The following GLYATL3 variants were observed in gnomAD, a reference collection of about 807,000 sequenced individuals.
GLYATL3 encodes the protein glycine-N-acyltransferase like 3.
Under a neutral mutation model 28.5 loss-of-function variants are expected in GLYATL3, and 31 were observed. The ratio of observed to expected loss-of-function variants is 1.09; its 90% CI spans 0.82 to 1.47. The LOEUF (loss-of-function observed/expected upper bound fraction) is 1.47. Among genes scored for constraint, GLYATL3 ranks in the 40% most tolerant of loss-of-function variants. The pLI is 0.00. For synonymous variants in GLYATL3, 141 were observed against 140.2 expected (o/e 1.01, Z -0.04); for missense variants, 369 against 351.5 (o/e 1.05, Z -0.40).
At position 49,518,376 on chromosome 6, in the gene GLYATL3, G is replaced by A. The variant is rs189820072; in HGVS notation, c.313+820G>A. Among the ~76,000 whole-genome samples, 78 of 152,298 alleles carry A rather than the reference G, an allele frequency of 5.1e-4. 1 individual carries two copies. The East Asian group carries it at 0.014, about 27-fold the overall frequency. The stretch of plus-strand genomic sequence containing the variant: ...GATAGTTTAGATGAATAGTTTCCGC[G>A]TCAGTGTACACTTACTCTTCCAGCT... On this transcript the variant is annotated intron_variant, in intron 4 of 5. Coordinates refer to ENST00000371197, the MANE Select transcript of GLYATL3 (RefSeq NM_001010904.2).
In GLYATL3 at chr6:49,527,723, T is replaced by C. The variant is rs1310530145; in HGVS notation, c.*809T>C. 6.6e-6 allele frequency among the ~76,000 whole-genome samples: 1 copy of C among 152,212 alleles called. No individual in the cohort carries two copies. Among genetic ancestry groups the C allele is most frequent in the African/African-American group, 2.4e-5 (1 of 41,452 alleles). On this transcript the variant is annotated 3_prime_UTR_variant, in exon 6 of 6. Transcript: ENST00000371197. ...CCTATTTCAGCCCCCTTATTTATAG[T>C]CTACTTTCCCATATAAAACTAAGAT...
At position 49,503,180 on chromosome 6, in the gene GLYATL3, T is replaced by A. The variant is rs188720400; in HGVS notation, c.-29+3138T>A. Among the ~76,000 whole-genome samples, 32 of 152,240 alleles carry A rather than the reference T, an allele frequency of 2.1e-4. 1 individual carries two copies. Among genetic ancestry groups the A allele is most frequent in the African/African-American group, 7.2e-4 (30 of 41,544 alleles). ...GGGGACATTAGCAAAGGGGGGGATA[T>A]AAGTCCTCATCATCTTTACTGTCCC... On this transcript the variant is annotated intron_variant, in intron 1 of 5. Transcript: ENST00000371197.
chr6:49,518,182 C>CT lies in GLYATL3; in HGVS notation c.313+632dup, dbSNP rs1769249966. On this transcript the variant is annotated intron_variant, in intron 4 of 5. Coordinates refer to ENST00000371197, the MANE Select transcript of GLYATL3 (RefSeq NM_001010904.2). Reference sequence around the variant, plus strand: ...ACTACAGGTGGCACCATTCAGGGCCCTTTTTTGTTGTTGTTGTTGTTGTTG... The same window carrying CT: ...ACTACAGGTGGCACCATTCAGGGCCCTTTTTTTGTTGTTGTTGTTGTTGTTG... Among the ~76,000 whole-genome samples, 4 of 152,088 alleles carry CT rather than the reference C, an allele frequency of 2.6e-5. No individual in the cohort carries two copies. In the South Asian group the frequency reaches 6.2e-4, roughly 24 times the overall value.
chr6:49,512,874 T>C lies in GLYATL3; in HGVS notation c.78+806T>C, dbSNP rs973045641. On this transcript the variant is annotated intron_variant, in intron 2 of 5. Coordinates refer to ENST00000371197, the MANE Select transcript of GLYATL3 (RefSeq NM_001010904.2). ...GAAGGAGTCCTCTAATGCACTATAC[T>C]GTGTGAATTAAATCTGGCCATCTTG... Among the ~76,000 whole-genome samples, 7 of 152,358 alleles carry C rather than the reference T, an allele frequency of 4.6e-5. No homozygotes were observed. The East Asian group carries it at 9.6e-4, about 21-fold the overall frequency.
At chr6:49,517,390 T>A in intron 3 of GLYATL3, 40 bp from the exon 4 acceptor site, 1 of 1,489,378 alleles carries the variant, frequency 6.7e-7, no homozygotes, top group Non-Finnish European at 9.0e-7. Flanking sequence ...ATTATCCAGA[T>A]AATACGTTTA....
At chr6:49,514,235 A>G (rs1292336678) in intron 2 of GLYATL3, among the ~76,000 whole-genome samples, 1 of 152,220 alleles carries the variant, frequency 6.6e-6, no homozygotes, top group African/African-American at 2.4e-5. Context: ...TTCCAAAGCC[A>G]TAATTTAGTT....
chr6:49,526,273 G>T (rs577734800), intron 5 of GLYATL3, among the ~76,000 whole-genome samples: 141 of 152,186 alleles, frequency 9.3e-4, no homozygotes, highest in African/African-American at 3.2e-3. Flanking sequence ...AATTAGCTGG[G>T]ATGGTGACGG....
intron 4 of GLYATL3, among the ~76,000 whole-genome samples, chr6:49,520,024 T>C (rs1032115422): frequency 6.6e-6 from 1 of 152,144 alleles, no homozygotes; most frequent in Non-Finnish European, 1.5e-5. Flanking sequence ...ACTCTTCTCA[T>C]AGAAGGTAGG....
intron 1 of GLYATL3, among the ~76,000 whole-genome samples, chr6:49,500,937 C>T (rs139665714): frequency 6.6e-6 from 1 of 152,304 alleles, no homozygotes; most frequent in African/African-American, 2.4e-5. Context: ...AAATGAATCA[C>T]TGTTTACTGA....
intron 4 of GLYATL3, among the ~76,000 whole-genome samples, chr6:49,518,895 C>CG (rs1308225694): frequency 1.3e-5 from 2 of 151,794 alleles, no homozygotes; most frequent in African/African-American, 2.4e-5. Flanking sequence ...GAGCCGAGAT[C>CG]GCGCCACTGC....
rs1769454131 is a variant in GLYATL3, at chr6:49,527,998, CA to C, written c.*1086del. 6.6e-6 allele frequency among the ~76,000 whole-genome samples: 1 copy of C among 152,026 alleles called. No individual in the cohort carries two copies. The highest frequency in any genetic ancestry group is 2.4e-5 in the African/African-American group (1 of 41,400). On this transcript the variant is annotated 3_prime_UTR_variant, in exon 6 of 6. Coordinates refer to ENST00000371197, the MANE Select transcript of GLYATL3 (RefSeq NM_001010904.2). ...AGCCAGAATGCTGCCATTTTAATTC[CA>C]ATCTGTTATTTTCACTAAATCATGT...
chr6:49,513,768 A>G (rs1047515409), intron 2 of GLYATL3, among the ~76,000 whole-genome samples: 1 of 152,146 alleles, frequency 6.6e-6, no homozygotes, highest in African/African-American at 2.4e-5. Flanking sequence ...TATAGAAGAA[A>G]GTTGTACAAT....
intron 1 of GLYATL3, 157 bp from the exon 2 acceptor site, chr6:49,511,806 C>G: frequency 2.1e-6 from 1 of 465,656 alleles, no homozygotes; most frequent in Non-Finnish European, 3.8e-6. Flanking sequence ...TCCGGTTTAC[C>G]CATCCCAGTG....
chr6:49,521,813 C>T, intron 5 of GLYATL3, 42 bp downstream of exon 5: 1 of 1,524,844 alleles, frequency 6.6e-7, no homozygotes, highest in Non-Finnish European at 8.9e-7. Context: ...GGACTTACTG[C>T]TATAGAAGTA....
intron 2 of GLYATL3, among the ~76,000 whole-genome samples, chr6:49,513,597 C>CACATAATTTAATGATT (rs1769160108): frequency 6.6e-6 from 1 of 152,036 alleles, no homozygotes; most frequent in African/African-American, 2.4e-5. Flanking sequence ...GATGAGCAGC[C>CACATAATTTAATGATT]ACATAATTTA....
In GLYATL3 at chr6:49,517,499, C is replaced by A. The variant is rs371973497; in HGVS notation, c.256C>A (p.Arg86=). 6.5e-7 allele frequency: 1 copy of A among 1,550,334 alleles called. No individual in the cohort carries two copies. The highest frequency in any genetic ancestry group is 2.0e-5 in the Admixed American group (1 of 50,892). The change falls in exon 4 of 6, where the codon CGA becomes AGA. Residue 86 remains arginine, a synonymous_variant. Coordinates refer to ENST00000371197, the MANE Select transcript of GLYATL3 (RefSeq NM_001010904.2). ...AVFYKDVRAY[R]QLLEECDVFN... ...GTTCTACAAGGATGTCAGGGCTTATCGACAGCTATTGGAAGAATGTGATGT... is the reference window on the plus strand; with the variant it reads ...GTTCTACAAGGATGTCAGGGCTTATAGACAGCTATTGGAAGAATGTGATGT...
intron 1 of GLYATL3, among the ~76,000 whole-genome samples, chr6:49,501,556 A>G (rs1261122402): frequency 6.6e-6 from 1 of 152,242 alleles, no homozygotes; most frequent in Non-Finnish European, 1.5e-5. Context: ...TACAGTATAC[A>G]GAGATAAGAA....
At chr6:49,516,455 G>C (rs961389948) in intron 3 of GLYATL3, among the ~76,000 whole-genome samples, 1 of 152,116 alleles carries the variant, frequency 6.6e-6, no homozygotes, top group East Asian at 1.9e-4. Context: ...TTTGGAAGAA[G>C]AGTGAAGACA....
At chr6:49,504,818 A>C (rs1191453073) in intron 1 of GLYATL3, among the ~76,000 whole-genome samples, 2 of 152,200 alleles carry the variant, frequency 1.3e-5, no homozygotes, top group East Asian at 1.9e-4. Context: ...AAACATGAAA[A>C]CATATGTTTT....
Sources: allele counts gnomAD v4.1 joint callset (sites outside exome capture counted in the v4.1 genomes callset), GRCh38; gene constraint gnomAD v4.1.1; transcripts MANE v1.5; gene names NCBI Gene and HGNC (gene_info 2026-07-23, HGNC 2026-07-21).